ASMTL: variants seen among roughly 807,000 people sequenced by gnomAD.
ASMTL encodes the protein probable bifunctional dTTP/UTP pyrophosphatase/methyltransferase protein.
A neutral mutation model predicts 60.3 loss-of-function variants in ASMTL; 57 were observed. The observed-to-expected ratio is 0.95, with a 90% CI of 0.76 to 1.18. ASMTL has a LOEUF of 1.18. Among genes scored for constraint, ASMTL ranks in the 50% most tolerant of loss-of-function variants. The pLI is 0.00. For missense variants in ASMTL, 981 were observed against 852.6 expected (o/e 1.15, Z -1.88); for synonymous variants, 419 against 373.0 (o/e 1.12, Z -1.42).
intron 12 of ASMTL, among the ~76,000 whole-genome samples, chrX:1,411,281 G>A (rs1437467794): frequency 4.6e-5 from 7 of 152,184 alleles, no homozygotes; most frequent in African/African-American, 9.7e-5. Context: ...GAGCCTATGG[G>A]GAGTCCTGTT....
At chrX:1,423,300 C>T (rs1467629075) in intron 8 of ASMTL, among the ~76,000 whole-genome samples, 10 of 151,998 alleles carry the variant, frequency 6.6e-5, no homozygotes, top group Non-Finnish European at 1.5e-4. Context: ...GGAAGATGTT[C>T]TGGCTTCTAT....
rs191817464 is a variant in ASMTL at position 1,415,947 on chromosome X, C to T, written c.1522+2026G>A. 2.5e-3 allele frequency among the ~76,000 whole-genome samples: 380 copies of T among 152,208 alleles called. 2 individuals are homozygous for T. Among genetic ancestry groups the T allele is most frequent in the African/African-American group, 8.7e-3 (360 of 41,530 alleles). Reference sequence around the variant, plus strand: ...ACGCCACAAGACATGCACACACGGACACATGCAGGACACAGATACACTGAC... The same window carrying T: ...ACGCCACAAGACATGCACACACGGATACATGCAGGACACAGATACACTGAC... On this transcript the variant is annotated intron_variant, in intron 11 of 12. Coordinates refer to ENST00000381317, the MANE Select transcript of ASMTL (RefSeq NM_004192.4).
chrX:1,431,243 ATAAT>A lies in ASMTL; in HGVS notation c.509+1022_509+1025del, dbSNP rs1465396936. On this transcript the variant is annotated intron_variant, in intron 6 of 12. Coordinates refer to ENST00000381317, the MANE Select transcript of ASMTL (RefSeq NM_004192.4). ...ATATAATTATAAATTATATTTATATATAATTATAAATATATGTAATTATATATTT... is the reference window on the plus strand; with the variant it reads ...ATATAATTATAAATTATATTTATATATATAAATATATGTAATTATATATTT... Among the ~76,000 whole-genome samples the A allele has an allele frequency of 3.1e-5, 4 of 127,436 alleles. No individual in the cohort carries two copies. The Admixed American group carries it at 3.5e-4, about 11-fold the overall frequency. 83.6% of individuals were successfully genotyped at this position (127,436 alleles called of 152,430 possible).
At position 1,419,112 on chromosome X, in the gene ASMTL, A is replaced by G. The variant is rs765310806; in HGVS notation, c.1248T>C (p.Asp416=). 7.4e-6 allele frequency: 12 copies of G among 1,611,014 alleles called. No homozygotes were observed. Among genetic ancestry groups the G allele is most frequent in the Non-Finnish European group, 1.0e-5 (12 of 1,179,482 alleles). Residue 416 remains aspartate (D), a splice_region_variant and synonymous_variant, in exon 10 of 13, where the codon GAT becomes GAC. Transcript: ENST00000381317. The part of the protein sequence containing the change: ...LGKKAEDLFQ[D]AYYQSPETRL... ...GCGTCTCCGGGCTCTGGTAGTACGCATCCTGGAACACAGCAGGTGCTTAGG... is the reference window on the plus strand; with the variant it reads ...GCGTCTCCGGGCTCTGGTAGTACGCGTCCTGGAACACAGCAGGTGCTTAGG...
At chrX:1,422,185 C>T (rs780627790) in intron 8 of ASMTL, among the ~76,000 whole-genome samples, 50 of 152,274 alleles carry the variant, frequency 3.3e-4, no homozygotes, top group Non-Finnish European at 5.7e-4. Flanking sequence ...AAACACCCAT[C>T]TAGATGTGGC....
chrX:1,433,492 C>T (rs775893373), intron 5 of ASMTL, among the ~76,000 whole-genome samples: 12 of 131,506 alleles, frequency 9.1e-5, no homozygotes, highest in East Asian at 2.3e-4. Context: ...GGTGAAACCC[C>T]GTCTCTACTA....
At chrX:1,421,988 G>C in intron 8 of ASMTL, 146 bp from the exon 9 acceptor site, 1 of 737,868 alleles carries the variant, frequency 1.4e-6, no homozygotes, top group Non-Finnish European at 2.4e-6. Context: ...TGACCATAGG[G>C]GATGCATCAT....
intron 12 of ASMTL, 51 bp downstream of exon 12, chrX:1,412,681 C>A: frequency 6.2e-7 from 1 of 1,612,566 alleles, no homozygotes; most frequent in Non-Finnish European, 8.5e-7. Flanking sequence ...AAACTTGAAC[C>A]CAAAATACTA....
In ASMTL at chrX:1,442,303, C is replaced by T. The variant is rs1344022754; in HGVS notation, c.108G>A (p.Glu36=). The T allele has an allele frequency of 6.2e-7, 1 of 1,613,836 alleles. No homozygotes were observed. The highest frequency in any genetic ancestry group is 2.2e-5 in the East Asian group (1 of 44,882). The stretch of plus-strand genomic sequence containing the variant: ...TCTCTTTAAACTTGGAGGGGACCAC[C>T]TCAAACCTGAGACCCTGCAACAGTA... ...EILSNAGLRF[E]VVPSKFKEKL... is the part of the protein sequence containing the mutation. The change falls in exon 2 of 13, where the codon GAG becomes GAA. Residue 36 remains glutamate (E), a synonymous_variant. Transcript: ENST00000381317.
intron 3 of ASMTL, among the ~76,000 whole-genome samples, chrX:1,436,181 TTCC>T (rs1440902703): frequency 6.6e-6 from 1 of 152,136 alleles, no homozygotes; most frequent in African/African-American, 2.4e-5. Context: ...CCTCGTTCCT[TTCC>T]TTTTCTTGAG....
intron 5 of ASMTL, 145 bp from the exon 6 acceptor site, chrX:1,432,522 A>G (rs1303729754): frequency 1.5e-6 from 1 of 688,024 alleles, no homozygotes. Context: ...AATAAGGTTC[A>G]TTTCGGACAA....
At chrX:1,443,312 A>ATCGTGGACACACG (rs2091155162) in intron 1 of ASMTL, among the ~76,000 whole-genome samples, 1 of 49,894 alleles carries the variant, frequency 2.0e-5, no homozygotes, top group African/African-American at 4.0e-5. Context: ...TTGGACACAC[A>ATCGTGGACACACG]CCGCCATCTT....
At chrX:1,420,300 T>TCTCCCTCTGG (rs2090447816) in intron 9 of ASMTL, among the ~76,000 whole-genome samples, 1 of 151,754 alleles carries the variant, frequency 6.6e-6, no homozygotes, top group Non-Finnish European at 1.5e-5. Context: ...CCTGTTTCTG[T>TCTCCCTCTGG]CTCCCTCTAT....
intron 12 of ASMTL, among the ~76,000 whole-genome samples, chrX:1,412,246 G>C (rs1287213094): frequency 6.6e-6 from 1 of 151,708 alleles, no homozygotes; most frequent in Non-Finnish European, 1.5e-5. Context: ...GTTCTTTTTT[G>C]ACACCGAATC....
At chrX:1,428,178 AAC>A in intron 6 of ASMTL, 57 bp from the exon 7 acceptor site, 1 of 1,537,114 alleles carries the variant, frequency 6.5e-7, no homozygotes, top group Non-Finnish European at 8.8e-7. Flanking sequence ...CCTGGGTCTG[AAC>A]ATTTCACGGC....
Position 1,433,356 on chromosome X carries a change from A to G in ASMTL, c.401-979T>C, listed in dbSNP as rs754708744. ...TCCCCAGTGGCGGATGATGTCGTTA[A>G]TCCTGGCCTTTTAAGAGACCCAGAA... On this transcript the variant is annotated intron_variant, in intron 5 of 12. Coordinates refer to ENST00000381317, the MANE Select transcript of ASMTL (RefSeq NM_004192.4). Among the ~76,000 whole-genome samples, 82 of 151,526 alleles carry G rather than the reference A, an allele frequency of 5.4e-4. 1 individual carries two copies. The Middle Eastern group carries it at 0.024, about 44-fold the overall frequency.
chrX:1,445,890 A>G (rs1460379272), intron 1 of ASMTL, among the ~76,000 whole-genome samples: 1 of 152,062 alleles, frequency 6.6e-6, no homozygotes, highest in African/African-American at 2.4e-5. Flanking sequence ...GCCTTCTGTT[A>G]TGCCCAGACG....
intron 1 of ASMTL, among the ~76,000 whole-genome samples, chrX:1,443,894 C>T (rs112588966): frequency 7.1e-6 from 1 of 141,704 alleles, no homozygotes; most frequent in Non-Finnish European, 1.5e-5. Context: ...GACAGACACC[C>T]CCATCATGGA....
intron 11 of ASMTL, 87 bp downstream of exon 11, chrX:1,417,886 C>T (rs1667349140): frequency 2.0e-6 from 3 of 1,499,294 alleles, no homozygotes; most frequent in Non-Finnish European, 2.7e-6. Context: ...GGCAGAAACA[C>T]AGGTGCACAC....
Sources: gnomAD v4.1 joint callset for allele counts (sites outside exome capture counted in the v4.1 genomes callset) on GRCh38, gnomAD v4.1.1 for gene constraint, MANE v1.5 for transcripts, NCBI Gene and HGNC (gene_info 2026-07-23, HGNC 2026-07-21) for gene names.